The following MELK variants were observed in gnomAD, a reference collection of about 807,000 sequenced individuals.
MELK encodes the protein pEg3 kinase.
MELK carries 81 observed loss-of-function variants against 85.0 expected under a neutral mutation model. The ratio of observed to expected loss-of-function variants is 0.95; its 90% CI spans 0.80 to 1.15. MELK has a LOEUF of 1.15. MELK is among the 50% of genes most tolerant of loss of function. The probability of loss-of-function intolerance (pLI) is 0.00; values close to 1 mark genes in which losing one functional copy is unlikely to be tolerated. For missense variants in MELK, 754 were observed against 777.5 expected, an observed-to-expected ratio of 0.97 and a Z score of 0.36; for synonymous variants, 252 against 265.0, an observed-to-expected ratio of 0.95 and a Z score of 0.48.
At chr9:36,593,452 C>T (rs1819314336) in intron 4 of MELK, among the ~76,000 whole-genome samples, 1 of 152,122 alleles carries the variant, frequency 6.6e-6, no homozygotes, top group African/African-American at 2.4e-5. Flanking sequence ...CACATGCCAA[C>T]TGTGAGCAAC....
intron 10 of MELK, among the ~76,000 whole-genome samples, chr9:36,634,431 C>T (rs1828921431): frequency 6.6e-6 from 1 of 152,160 alleles, no homozygotes. Context: ...GCTAATTAGG[C>T]CAGGCACGGT....
At position 36,583,709 on chromosome 9, in the gene MELK, AG is replaced by A. The variant is rs1251609215; in HGVS notation, c.144+1del. On this transcript the variant is annotated frameshift_variant and splice_region_variant, in exon 3 of 18. Coordinates refer to ENST00000298048, the MANE Select transcript of MELK (RefSeq NM_014791.4). LOFTEE classifies it high-confidence loss of function. ...AIKIMDKNTL[G>X]SDLPRIKTEI... is the part of the protein sequence containing the mutation. ...TAAAAATCATGGATAAAAACACACT[AG>A]GGGTAAGTTTAGATTTATTTAAAAA... The A allele has an allele frequency of 2.5e-6, 4 of 1,600,246 alleles. No individual in the cohort carries two copies. The highest frequency in any genetic ancestry group is 3.4e-6 in the Non-Finnish European group (4 of 1,168,478).
chr9:36,648,992 C>T (rs1830460313), intron 11 of MELK, among the ~76,000 whole-genome samples: 2 of 151,954 alleles, frequency 1.3e-5, no homozygotes, highest in African/African-American at 2.4e-5. Flanking sequence ...CCCAGATATG[C>T]AGGGAGCGGG....
In MELK at chr9:36,666,908, A is replaced by T. The variant is rs1341224653; in HGVS notation, c.1408+1327A>T. ...GTGTGTGTGTGTGTGTGTGTGTGTG[A>T]TGGTGTGTGTGTGGGGGGGTGCGGT... On this transcript the variant is annotated intron_variant, in intron 14 of 17. Transcript: ENST00000298048. Among the ~76,000 whole-genome samples, 181 of 73,422 alleles carry T rather than the reference A, an allele frequency of 2.5e-3. 1 individual carries two copies. In the Middle Eastern group the frequency reaches 0.042, roughly 17 times the overall value. The allele number at this position is 73,422 out of a possible 152,430, so 48.2% of individuals were successfully genotyped here.
intron 9 of MELK, 111 bp downstream of exon 9, chr9:36,630,478 A>T: frequency 1.2e-6 from 1 of 830,690 alleles, no homozygotes; most frequent in Non-Finnish European, 2.0e-6. Context: ...TCCCACTCAT[A>T]TCTACCTTGA....
chr9:36,655,278 A>G (rs1469667777), intron 12 of MELK, among the ~76,000 whole-genome samples: 1 of 152,208 alleles, frequency 6.6e-6, no homozygotes, highest in Non-Finnish European at 1.5e-5. Flanking sequence ...GACAGGAATG[A>G]TCACCATGGG....
chr9:36,621,275 GAAAAAAAAAAAAAAAAAAAAAA>G (rs74181196), intron 8 of MELK, among the ~76,000 whole-genome samples: 1,217 of 32,446 alleles, frequency 0.038, 42 homozygotes, highest in Non-Finnish European at 0.084. Flanking sequence ...CTGTCTCAGG[GAAAAAAAAAAAAAAAAAAAAAA>G]AAAAAAAAAA....
chr9:36,603,534 C>A (rs1441776956), intron 7 of MELK, among the ~76,000 whole-genome samples: 1 of 151,808 alleles, frequency 6.6e-6, no homozygotes, highest in East Asian at 1.9e-4. Flanking sequence ...TAGACTCAAG[C>A]AGTCCTCCCA....
chr9:36,676,841 G>A (rs75421626), intron 17 of MELK, among the ~76,000 whole-genome samples: 1,907 of 152,306 alleles, frequency 0.013, 21 homozygotes, highest in Middle Eastern at 0.048. Context: ...ACGTTGAAAG[G>A]ATTGCATAAA....
At position 36,638,199 on chromosome 9, in the gene MELK, G is replaced by GT. The variant is rs563865141; in HGVS notation, c.835-4789dup. Among the ~76,000 whole-genome samples, 251 of 151,788 alleles carry GT rather than the reference G, an allele frequency of 1.7e-3. 1 individual carries two copies. Among genetic ancestry groups the GT allele is most frequent in the African/African-American group, 4.2e-3 (175 of 41,408 alleles). ...GTCTCTGCTTTCTACAACCCCAAGAGTTTTTTTTTATTTGGGACACAGTAT... is the reference window on the plus strand; with the variant it reads ...GTCTCTGCTTTCTACAACCCCAAGAGTTTTTTTTTTATTTGGGACACAGTAT... On this transcript the variant is annotated intron_variant, in intron 10 of 17. Coordinates refer to ENST00000298048, the MANE Select transcript of MELK (RefSeq NM_014791.4).
chr9:36,575,799 C>T (rs1821596524), intron 1 of MELK, among the ~76,000 whole-genome samples: 1 of 152,146 alleles, frequency 6.6e-6, no homozygotes, highest in South Asian at 2.1e-4. Context: ...ATTGCTTTCT[C>T]TTTCTGAGTG....
intron 10 of MELK, among the ~76,000 whole-genome samples, chr9:36,633,405 C>T (rs917968054): frequency 1.3e-5 from 2 of 152,322 alleles, no homozygotes; most frequent in African/African-American, 4.8e-5. Context: ...GAAATGCCTG[C>T]TCCCCATCCC....
chr9:36,600,988 T>C, intron 7 of MELK, among the ~76,000 whole-genome samples: 1 of 152,214 alleles, frequency 6.6e-6, no homozygotes, highest in East Asian at 1.9e-4. Flanking sequence ...TTTTTCCTTA[T>C]TTGCTTTATC....
Position 36,594,681 on chromosome 9 carries a change from A to G in MELK, c.315A>G (p.Ser105=), listed in dbSNP as rs1823994258. Residue 105 remains serine, a synonymous_variant, in exon 5 of 18, where the codon TCA becomes TCG. Transcript: ENST00000298048. Reference sequence around the variant, plus strand: ...ATATAATTTCCCAGGATCGCCTGTCAGAAGAGGAGACCCGGGTTGTCTTCC... The same window carrying G: ...ATATAATTTCCCAGGATCGCCTGTCGGAAGAGGAGACCCGGGTTGTCTTCC... The part of the protein sequence containing the change: ...FDYIISQDRL[S]EEETRVVFRQ... 4 of 1,614,098 alleles carry G rather than the reference A, an allele frequency of 2.5e-6. No homozygotes were observed. Among genetic ancestry groups the G allele is most frequent in the South Asian group, 2.2e-5 (2 of 91,076 alleles).
At chr9:36,608,115 C>T (rs1036509631) in intron 8 of MELK, among the ~76,000 whole-genome samples, 2 of 151,686 alleles carry the variant, frequency 1.3e-5, no homozygotes, top group Non-Finnish European at 2.9e-5. Context: ...CCCGTCTCTA[C>T]TAAAAATACA....
At chr9:36,611,970 A>G (rs11793543) in intron 8 of MELK, among the ~76,000 whole-genome samples, 19,694 of 151,466 alleles carry the variant, frequency 0.13, 1,569 homozygotes, top group Non-Finnish European at 0.17. Context: ...ACGGGGTTTC[A>G]CCATATTGGT....
intron 8 of MELK, among the ~76,000 whole-genome samples, chr9:36,611,435 C>G (rs1344022272): frequency 6.6e-6 from 1 of 152,212 alleles, no homozygotes; most frequent in Admixed American, 6.5e-5. Flanking sequence ...CATGTACTCT[C>G]TCTCAGGGTG....
intron 13 of MELK, among the ~76,000 whole-genome samples, chr9:36,661,514 A>C (rs1479916960): frequency 6.6e-6 from 1 of 152,228 alleles, no homozygotes; most frequent in Admixed American, 6.5e-5. Context: ...GATGGGAGGA[A>C]ACTGGTCAAC....
At chr9:36,645,773 G>A (rs955210914) in intron 11 of MELK, among the ~76,000 whole-genome samples, 7 of 152,270 alleles carry the variant, frequency 4.6e-5, no homozygotes, top group South Asian at 2.1e-4. Context: ...ACTGTGGTAC[G>A]CAGCCAGAGT....
Sources: allele counts gnomAD v4.1 joint callset (sites outside exome capture counted in the v4.1 genomes callset), GRCh38; gene constraint gnomAD v4.1.1; transcripts MANE v1.5; gene names NCBI Gene and HGNC (gene_info 2026-07-23, HGNC 2026-07-21).